CALN1: variants seen among roughly 807,000 people sequenced by gnomAD.
The protein encoded by CALN1 is calneuron 1.
In CALN1, 17 loss-of-function variants were observed where a neutral mutation model predicts 30.6. The ratio of observed to expected loss-of-function variants is 0.56; its 90% CI spans 0.38 to 0.83. CALN1 has a LOEUF of 0.83. Ranked by LOEUF, CALN1 falls within the 40% of genes least tolerant of loss-of-function variation. The pLI is 0.00. For missense variants in CALN1, 291 were observed against 354.9 expected (o/e 0.82, Z 1.45); for synonymous variants, 156 against 131.4 (o/e 1.19, Z -1.28).
intron 5 of CALN1, among the ~76,000 whole-genome samples, chr7:71,869,361 C>A (rs1791786533): frequency 6.6e-6 from 1 of 152,098 alleles, no homozygotes; most frequent in Non-Finnish European, 1.5e-5. Flanking sequence ...CAAGCATGCA[C>A]CACCATGCCT....
chr7:72,166,410 G>T (rs1275260190), intron 3 of CALN1, among the ~76,000 whole-genome samples: 1 of 152,036 alleles, frequency 6.6e-6, no homozygotes, highest in African/African-American at 2.4e-5. Flanking sequence ...GGCTGGTCTT[G>T]AACTCCTGGT....
At chr7:72,331,273 C>A (rs963975745) in intron 2 of CALN1, among the ~76,000 whole-genome samples, 1 of 152,078 alleles carries the variant, frequency 6.6e-6, no homozygotes, top group African/African-American at 2.4e-5. Flanking sequence ...TCGCTTGAAC[C>A]CAGGAGGCAG....
chr7:72,149,689 T>C (rs1787069377), intron 3 of CALN1, among the ~76,000 whole-genome samples: 1 of 152,118 alleles, frequency 6.6e-6, no homozygotes, highest in South Asian at 2.1e-4. Context: ...ATTTGAGATT[T>C]GTTCTCCTAT....
chr7:72,161,413 A>C (rs928774922), intron 3 of CALN1, among the ~76,000 whole-genome samples: 2 of 152,188 alleles, frequency 1.3e-5, no homozygotes, highest in African/African-American at 2.4e-5. Context: ...AAGAGGCCTA[A>C]ATAATGTCAT....
At chr7:71,993,287 T>C (rs1454246755) in intron 5 of CALN1, among the ~76,000 whole-genome samples, 1 of 152,136 alleles carries the variant, frequency 6.6e-6, no homozygotes, top group Non-Finnish European at 1.5e-5. Context: ...TCAAGTTCTC[T>C]TTTAGATATA....
rs552488121 is a variant in CALN1, at chr7:72,165,517, C to T, written c.245-59223G>A. On this transcript the variant is annotated intron_variant, in intron 3 of 6. Coordinates refer to ENST00000395275, the MANE Select transcript of CALN1 (RefSeq NM_031468.4). ...CCAGGAGGATCGCTTAAACCCAGGA[C>T]GCAGAGTATGCAGCAAGTTGAGATC... Among the ~76,000 whole-genome samples the T allele has an allele frequency of 1.3e-4, 20 of 152,070 alleles. No individual in the cohort carries two copies. In the East Asian group the frequency reaches 1.9e-3, roughly 15 times the overall value.
rs144953099 is a variant in CALN1, at chr7:72,373,258, C to T, written c.119+29993G>A. Among the ~76,000 whole-genome samples the T allele has an allele frequency of 3.2e-3, 489 of 152,196 alleles. 3 individuals carry two copies. The highest frequency in any genetic ancestry group is 0.017 in the Middle Eastern group (5 of 294). On this transcript the variant is annotated intron_variant, in intron 2 of 6. Transcript: ENST00000395275. ...AAAAATGTGCACAGAGCCTCAGGGG[C>T]CTGTGGAAAAATTCCAATACTATTT...
At position 72,217,832 on chromosome 7, in the gene CALN1, A is replaced by ATTTT. The variant is rs35736777; in HGVS notation, c.244+60850_244+60853dup. 3.4e-4 allele frequency among the ~76,000 whole-genome samples: 23 copies of ATTTT among 67,296 alleles called. 1 individual carries two copies. Among genetic ancestry groups the ATTTT allele is most frequent in the African/African-American group, 9.1e-4 (14 of 15,386 alleles). 44.1% of individuals were successfully genotyped at this position (67,296 alleles called of 152,430 possible). A position where few individuals can be genotyped will look rare whatever the true frequency, so the allele number is the denominator to read the frequency against. On this transcript the variant is annotated intron_variant, in intron 3 of 6. Transcript: ENST00000395275. The stretch of plus-strand genomic sequence containing the variant: ...CCAACTCTACAAAAAAATTAAATAA[A>ATTTT]TTTTTTTTTTTTTTTTTTTTTTTTT...
intron 5 of CALN1, among the ~76,000 whole-genome samples, chr7:71,872,952 G>C (rs1325887383): frequency 6.7e-6 from 1 of 150,226 alleles, no homozygotes; most frequent in Non-Finnish European, 1.5e-5. Flanking sequence ...GGTAAGGTTT[G>C]AAGGTACTTC....
At chr7:71,993,830 C>T (rs546869352) in intron 5 of CALN1, among the ~76,000 whole-genome samples, 4 of 152,182 alleles carry the variant, frequency 2.6e-5, no homozygotes, top group South Asian at 2.1e-4. Context: ...ACTTGAGACA[C>T]GATACGCTAA....
chr7:72,126,313 T>C (rs946301819), intron 3 of CALN1, among the ~76,000 whole-genome samples: 27 of 152,206 alleles, frequency 1.8e-4, no homozygotes, highest in Admixed American at 1.6e-3. Flanking sequence ...CACTCATTGG[T>C]TGATGGGCTT....
At chr7:71,899,573 A>C (rs1275066005) in intron 5 of CALN1, among the ~76,000 whole-genome samples, 2 of 152,236 alleles carry the variant, frequency 1.3e-5, no homozygotes, top group African/African-American at 4.8e-5. Context: ...CATGTTCCTG[A>C]ATGGCAAAAG....
At chr7:72,164,354 A>G (rs1414622946) in intron 3 of CALN1, among the ~76,000 whole-genome samples, 1,755 of 136,844 alleles carry the variant, frequency 0.013, 29 homozygotes, top group African/African-American at 0.04. Flanking sequence ...TCCGTCAAAA[A>G]AAAAAAAAAA....
intron 3 of CALN1, among the ~76,000 whole-genome samples, chr7:72,224,275 A>G (rs1013390077): frequency 2.0e-5 from 3 of 152,184 alleles, no homozygotes; most frequent in African/African-American, 7.2e-5. Context: ...AGGAGGTAAA[A>G]TGCAAAGGAA....
At chr7:72,176,891 G>T (rs542189306) in intron 3 of CALN1, among the ~76,000 whole-genome samples, 1 of 152,100 alleles carries the variant, frequency 6.6e-6, no homozygotes, top group African/African-American at 2.4e-5. Flanking sequence ...CACTTACACT[G>T]AAGATGGATG....
rs1792964179 is a variant in CALN1 at position 71,785,959 on chromosome 7, ATCTGCTCCCTCC to A, written c.*1804_*1815del. On this transcript the variant is annotated 3_prime_UTR_variant, in exon 7 of 7. Transcript: ENST00000395275. ...ATCCCCCAGGCTCTTGGGAGCTTAC[ATCTGCTCCCTCC>A]TCCATATTATGGCTGAAGCCTTAGT... 6.5e-6 allele frequency: 1 copy of A among 152,694 alleles called. No individual in the cohort carries two copies. Among genetic ancestry groups the A allele is most frequent in the Admixed American group, 6.5e-5 (1 of 15,290 alleles). The allele number at this position is 152,694 out of a possible 1,614,324, so 9.5% of individuals were successfully genotyped here.
At chr7:72,356,659 G>A (rs189765208) in intron 2 of CALN1, among the ~76,000 whole-genome samples, 1 of 151,914 alleles carries the variant, frequency 6.6e-6, no homozygotes, top group East Asian at 1.9e-4. Context: ...AATATATAAA[G>A]CAAAACCTAC....
intron 6 of CALN1, among the ~76,000 whole-genome samples, chr7:71,795,156 G>A (rs762157857): frequency 3.9e-5 from 6 of 152,004 alleles, no homozygotes; most frequent in Non-Finnish European, 8.8e-5. Flanking sequence ...AGCGGAGAGG[G>A]GATTACAGGC....
At chr7:72,163,598 T>C (rs921517485) in intron 3 of CALN1, among the ~76,000 whole-genome samples, 1 of 152,218 alleles carries the variant, frequency 6.6e-6, no homozygotes, top group Non-Finnish European at 1.5e-5. Flanking sequence ...ACTATTACAA[T>C]GAACCGAATA....
Sources: allele counts gnomAD v4.1 joint callset (sites outside exome capture counted in the v4.1 genomes callset), GRCh38; gene constraint gnomAD v4.1.1; transcripts MANE v1.5; gene names NCBI Gene and HGNC (gene_info 2026-07-23, HGNC 2026-07-21).